Variants in ALMS1 observed in about 807,000 individuals in gnomAD.
The protein encoded by ALMS1 is centrosome-associated protein ALMS1.
A neutral mutation model predicts 352.2 loss-of-function variants in ALMS1; 271 were observed. The ratio of observed to expected loss-of-function variants is 0.77; its 90% CI spans 0.70 to 0.85. The LOEUF is 0.85. Among genes scored for constraint, ALMS1 ranks in the 40% least tolerant of loss-of-function variants. ALMS1 has a pLI of 0.00. For synonymous variants in ALMS1, 1,865 were observed against 1,761.2 expected (o/e 1.06, Z -1.48); for missense variants, 5,445 against 4,870.7 (o/e 1.12, Z -3.51).
In ALMS1 at chr2:73,491,417, T is replaced by C. The variant is rs1672983702; in HGVS notation, c.9458T>C (p.Val3153Ala). The C allele has an allele frequency of 1.9e-6, 3 of 1,614,144 alleles. No individual in the cohort carries two copies. In the Middle Eastern group the frequency reaches 4.9e-4, roughly 266 times the overall value. ...ATACCTTCTCAGAATAGCCAGATAG[T>C]AACCTCCAGGCAAATACAAGTGAAC... Reference protein sequence around the residue: ...KTIPSQNSQIVTSRQIQVNIS... With the variant: ...KTIPSQNSQIATSRQIQVNIS... Residue 3153 changes from valine to alanine, a missense_variant, in exon 10 of 23, where the codon GTA (valine) becomes GCA (alanine). Coordinates refer to ENST00000613296, the MANE Select transcript of ALMS1 (RefSeq NM_001378454.1).
Position 73,448,974 on chromosome 2 carries a change from A to G in ALMS1, c.2447A>G (p.Lys816Arg). 1.2e-6 allele frequency: 2 copies of G among 1,614,108 alleles called. No homozygotes were observed. The highest frequency in any genetic ancestry group is 1.7e-6 in the Non-Finnish European group (2 of 1,179,992). The stretch of plus-strand genomic sequence containing the variant: ...TCTAGTGCATACTCACACAGAGAGA[A>G]GCTCCTTGTTTTCTACCAACAGGCC... ...VPSSAYSHREKLLVFYQQALL... is the reference protein window; with the variant it reads ...VPSSAYSHRERLLVFYQQALL... Residue 816 changes from lysine to arginine, a missense_variant, in exon 8 of 23, where the codon AAG becomes AGG. Transcript: ENST00000613296.
chr2:73,460,888 G>C (rs1489622180), intron 9 of ALMS1, among the ~76,000 whole-genome samples: 4 of 152,252 alleles, frequency 2.6e-5, no homozygotes, highest in Non-Finnish European at 5.9e-5. Flanking sequence ...GCGAGGCTGG[G>C]GGAGGGGCGC....
chr2:73,414,314 CTT>C (rs1283640781), intron 2 of ALMS1, among the ~76,000 whole-genome samples: 3 of 151,810 alleles, frequency 2.0e-5, no homozygotes, highest in African/African-American at 7.3e-5. Context: ...ATATAATTGA[CTT>C]TTTATATTGA....
In ALMS1 at chr2:73,426,487, T is replaced by C. The variant is rs544932125; in HGVS notation, c.1272T>C (p.Ile424=). 1.2e-6 allele frequency: 2 copies of C among 1,614,170 alleles called. No homozygotes were observed. Among genetic ancestry groups the C allele is most frequent in the East Asian group, 4.5e-5 (2 of 44,886 alleles). Residue 424 remains isoleucine (I), a synonymous_variant, in exon 6 of 23, where the codon ATT becomes ATC. Coordinates refer to ENST00000613296, the MANE Select transcript of ALMS1 (RefSeq NM_001378454.1). ...AGGGGAAGGTTGAGTCTGACGTCATTACTCTGGATGGCCTAAATGAAAATG... is the reference window on the plus strand; with the variant it reads ...AGGGGAAGGTTGAGTCTGACGTCATCACTCTGGATGGCCTAAATGAAAATG... ...GLQGKVESDV[I]TLDGLNENAV...
chr2:73,540,083 G>T lies in ALMS1; in HGVS notation c.9907+5134G>T, dbSNP rs557326083. ...ACACATAATTGTCAGATTCACCAAA[G>T]TTGAAATGAAGGAGAAAATGTTAAG... On this transcript the variant is annotated intron_variant, in intron 12 of 22. Transcript: ENST00000613296. Among the ~76,000 whole-genome samples, 176 of 152,286 alleles carry T rather than the reference G, an allele frequency of 1.2e-3. 1 individual carries two copies. The highest frequency in any genetic ancestry group is 4.0e-3 in the African/African-American group (166 of 41,558).
At chr2:73,477,048 C>T (rs1672598340) in intron 9 of ALMS1, among the ~76,000 whole-genome samples, 1 of 152,070 alleles carries the variant, frequency 6.6e-6, no homozygotes, top group Non-Finnish European at 1.5e-5. Context: ...CAAATATTTT[C>T]TCCCATTTTC....
chr2:73,500,616 T>TATA (rs1673199891), intron 10 of ALMS1, among the ~76,000 whole-genome samples: 1 of 152,084 alleles, frequency 6.6e-6, no homozygotes, highest in African/African-American at 2.4e-5. Context: ...CCACACTCTA[T>TATA]ATAGAGTGTT....
At chr2:73,484,045 T>C (rs1672770949) in intron 9 of ALMS1, among the ~76,000 whole-genome samples, 1 of 151,864 alleles carries the variant, frequency 6.6e-6, no homozygotes, top group African/African-American at 2.4e-5. Context: ...AGTCTTTGCC[T>C]TTTAATTGGA....
At chr2:73,580,904 A>G (rs1248879316) in intron 16 of ALMS1, among the ~76,000 whole-genome samples, 1 of 152,252 alleles carries the variant, frequency 6.6e-6, no homozygotes, top group Non-Finnish European at 1.5e-5. Context: ...AAAAGAAAAA[A>G]GAAAATTCCC....
At chr2:73,431,456 T>C (rs1314697379) in intron 6 of ALMS1, among the ~76,000 whole-genome samples, 2 of 152,210 alleles carry the variant, frequency 1.3e-5, no homozygotes, top group Admixed American at 6.5e-5. Context: ...CTAAAAATGA[T>C]ATATATTTTT....
intron 19 of ALMS1, 28 bp from the exon 20 acceptor site, chr2:73,602,157 G>A (rs1675707639): frequency 6.2e-7 from 1 of 1,601,944 alleles, no homozygotes; most frequent in Non-Finnish European, 8.5e-7. Context: ...TCTGAGGCTG[G>A]GCATTTTCTC....
chr2:73,520,413 T>C (rs1006906968), intron 11 of ALMS1, among the ~76,000 whole-genome samples: 8 of 152,236 alleles, frequency 5.3e-5, no homozygotes, highest in African/African-American at 1.9e-4. Context: ...ATGTATATAC[T>C]AAATACTATA....
rs749794703 is a variant in ALMS1, at chr2:73,432,245, G to T, written c.1386G>T (p.Arg462Ser). 1.9e-6 allele frequency: 3 copies of T among 1,613,628 alleles called. No individual in the cohort carries two copies. Among genetic ancestry groups the T allele is most frequent in the Non-Finnish European group, 2.5e-6 (3 of 1,179,658 alleles). ...EYHSSDLRML[R>S]MSPDTVPKAP... ...ACTCTTCAGATCTCAGAATGTTGAGGATGTCTCCTGACACTGTGCCAAAGG... is the reference window on the plus strand; with the variant it reads ...ACTCTTCAGATCTCAGAATGTTGAGTATGTCTCCTGACACTGTGCCAAAGG... Residue 462 changes from arginine to serine, a missense_variant, in exon 7 of 23, where the codon AGG becomes AGT. Coordinates refer to ENST00000613296, the MANE Select transcript of ALMS1 (RefSeq NM_001378454.1).
Position 73,609,778 on chromosome 2 carries a change from T to C in ALMS1, c.*166T>C. 1 of 711,130 alleles carries C rather than the reference T, an allele frequency of 1.4e-6. No individual in the cohort carries two copies. Among genetic ancestry groups the C allele is most frequent in the South Asian group, 1.7e-5 (1 of 58,888 alleles). The allele number at this position is 711,130 out of a possible 1,614,324, so 44.1% of individuals were successfully genotyped here. A position where few individuals can be genotyped will look rare whatever the true frequency, so the allele number is the denominator to read the frequency against. ...GGAACAAAGTGGTGATTAAAATTCC[T>C]AATGGTTTGGGAGCAATACTTTCTG... is the stretch of plus-strand genomic sequence containing the variant. On this transcript the variant is annotated 3_prime_UTR_variant, in exon 23 of 23. Transcript: ENST00000613296.
At chr2:73,552,294 T>A (rs550247103) in intron 13 of ALMS1, among the ~76,000 whole-genome samples, 2 of 152,208 alleles carry the variant, frequency 1.3e-5, no homozygotes, top group Non-Finnish European at 2.9e-5. Flanking sequence ...CCAGCTAACA[T>A]TGAGACTGCC....
At chr2:73,515,805 A>G (rs1673544003) in intron 10 of ALMS1, among the ~76,000 whole-genome samples, 1 of 150,400 alleles carries the variant, frequency 6.6e-6, no homozygotes, top group East Asian at 2.0e-4. Context: ...ACACACACAC[A>G]AACTCAGAGA....
At chr2:73,474,311 T>C (rs1249013878) in intron 9 of ALMS1, among the ~76,000 whole-genome samples, 1 of 152,054 alleles carries the variant, frequency 6.6e-6, no homozygotes, top group Non-Finnish European at 1.5e-5. Context: ...TTGTATCACA[T>C]GGTAATACGT....
intron 10 of ALMS1, among the ~76,000 whole-genome samples, chr2:73,508,729 T>A (rs1178044074): frequency 2.0e-5 from 3 of 152,196 alleles, no homozygotes; most frequent in Non-Finnish European, 4.4e-5. Context: ...CAGACCTGAG[T>A]TCAATTCCTG....
At chr2:73,558,864 C>A in intron 14 of ALMS1, 108 bp from the exon 15 acceptor site, 1 of 1,222,224 alleles carries the variant, frequency 8.2e-7, no homozygotes, top group South Asian at 1.4e-5. Flanking sequence ...CATCTTTTTT[C>A]TTCAATATCA....
Sources: allele counts gnomAD v4.1 joint callset (sites outside exome capture counted in the v4.1 genomes callset), GRCh38; gene constraint gnomAD v4.1.1; transcripts MANE v1.5; gene names NCBI Gene and HGNC (gene_info 2026-07-23, HGNC 2026-07-21).